ZER1: variants seen among roughly 807,000 people sequenced by gnomAD.
The protein encoded by ZER1 is zyg-11 related cell cycle regulator, also known as protein zer-1 homolog.
Under a neutral mutation model 78.8 loss-of-function variants are expected in ZER1, and 11 were observed. That is an observed-to-expected ratio of 0.14 (90% CI 0.09 to 0.23). The LOEUF is 0.23. Ranked by LOEUF, ZER1 falls within the 10% of genes least tolerant of loss-of-function variation. The pLI is 1.00. For missense variants in ZER1, 588 were observed against 996.9 expected, an observed-to-expected ratio of 0.59 and a Z score of 5.52; for synonymous variants, 400 against 407.0, an observed-to-expected ratio of 0.98 and a Z score of 0.21.
Position 128,731,301 on chromosome 9 carries a change from G to A in ZER1, c.*36C>T, listed in dbSNP as rs764694999. 6.2e-7 allele frequency: 1 copy of A among 1,606,926 alleles called. No individual in the cohort carries two copies. Among genetic ancestry groups the A allele is most frequent in the East Asian group, 2.2e-5 (1 of 44,750 alleles). On this transcript the variant is annotated 3_prime_UTR_variant, in exon 16 of 16. Coordinates refer to ENST00000291900, the MANE Select transcript of ZER1 (RefSeq NM_006336.4). ...TTGAGCATGCTTCCTCCCCGCCTGT[G>A]GTCCAGAGCGGTGGCGGCCATGGGG...
At chr9:128,765,381 T>C (rs775246657) in intron 1 of ZER1, among the ~76,000 whole-genome samples, 14 of 152,232 alleles carry the variant, frequency 9.2e-5, no homozygotes, top group Admixed American at 2.0e-4. Flanking sequence ...ATAGAGATTA[T>C]TACCCCATTT....
rs140497395 is a variant in ZER1 at position 128,751,476 on chromosome 9, C to A, written c.975G>T (p.Pro325=). The A allele has an allele frequency of 1.2e-6, 2 of 1,613,944 alleles. No homozygotes were observed. Among genetic ancestry groups the A allele is most frequent in the Non-Finnish European group, 1.7e-6 (2 of 1,180,022 alleles). Residue 325 remains proline, a synonymous_variant, in exon 6 of 16, where the codon CCG becomes CCT. Coordinates refer to ENST00000291900, the MANE Select transcript of ZER1 (RefSeq NM_006336.4). The surrounding 1 kb of genome is among the most constrained non-coding windows in gnomAD (Gnocchi z 5.4). The stretch of plus-strand genomic sequence containing the variant: ...TCTCAAAGAGCCCGAGGAACTGCAG[C>A]GGCCTCTTCAGAGCCCGGAAAGGTA... The part of the protein sequence containing the change: ...SIIPFRALKR[P]LQFLGLFENS...
At position 128,741,661 on chromosome 9, in the gene ZER1, G is replaced by A. The variant is rs1863296227; in HGVS notation, c.1618-7C>T. The A allele has an allele frequency of 1.2e-6, 2 of 1,614,024 alleles. No individual in the cohort carries two copies. The highest frequency in any genetic ancestry group is 1.7e-5 in the Admixed American group (1 of 60,008). On this transcript the variant is annotated splice_region_variant and splice_polypyrimidine_tract_variant and intron_variant, in intron 10 of 15. Coordinates refer to ENST00000291900, the MANE Select transcript of ZER1 (RefSeq NM_006336.4). Reference sequence around the variant, plus strand: ...ACTCCATGACCTGGTCACACTGTGAGGGCAGGGCAGGGCTCAGCCAAGGCT... The same window carrying A: ...ACTCCATGACCTGGTCACACTGTGAAGGCAGGGCAGGGCTCAGCCAAGGCT...
At chr9:128,733,279 G>C in intron 15 of ZER1, 147 bp downstream of exon 15, 1 of 592,658 alleles carries the variant, frequency 1.7e-6, no homozygotes, top group Non-Finnish European at 3.0e-6. Context: ...GAGGCCCCAG[G>C]TGGACATCAA....
chr9:128,747,694 A>G (rs1863540261), intron 8 of ZER1, among the ~76,000 whole-genome samples: 1 of 152,050 alleles, frequency 6.6e-6, no homozygotes, highest in Non-Finnish European at 1.5e-5. Context: ...GCTCACTGAA[A>G]TCTCCACCTC....
Position 128,750,726 on chromosome 9 carries a change from C to A in ZER1, c.1249G>T (p.Ala417Ser), listed in dbSNP as rs1176396202. 1 of 1,614,182 alleles carries A rather than the reference C, an allele frequency of 6.2e-7. No individual in the cohort carries two copies. The stretch of plus-strand genomic sequence containing the variant: ...TCGGAATTTGTTAGGTAGAAGAGAG[C>A]GGCGCTGCCTGTCACTTGAATGTTC... ...DRNIQVTGSA[A>S]LFYLTNSEYR... is the part of the protein sequence containing the mutation. The change falls in exon 8 of 16, where the codon GCT (alanine) becomes TCT (serine). Residue 417 changes from alanine (A) to serine (S), a missense_variant. Ala to Ser is a moderately conservative substitution (Grantham distance 99, BLOSUM62 1). Around this residue, in one of 3 missense-constraint regions of ZER1, gnomAD observed 406 missense variants for 660.1 expected, o/e 0.62. Coordinates refer to ENST00000291900, the MANE Select transcript of ZER1 (RefSeq NM_006336.4).
Position 128,766,373 on chromosome 9 carries a change from T to G in ZER1, c.-95+5208A>C, listed in dbSNP as rs955881738. Among the ~76,000 whole-genome samples, 95 of 148,882 alleles carry G rather than the reference T, an allele frequency of 6.4e-4. 1 individual carries two copies. Among genetic ancestry groups the G allele is most frequent in the African/African-American group, 2.3e-3 (92 of 40,454 alleles). ...AAAAAAAAAAAAAAAAAAAGAACTCTGTTAAGTATTTTATATGTGTTAATT... is the reference window on the plus strand; with the variant it reads ...AAAAAAAAAAAAAAAAAAAGAACTCGGTTAAGTATTTTATATGTGTTAATT... On this transcript the variant is annotated intron_variant, in intron 1 of 15. Transcript: ENST00000291900.
chr9:128,749,968 G>C (rs552570292), intron 8 of ZER1, among the ~76,000 whole-genome samples: 1 of 152,300 alleles, frequency 6.6e-6, no homozygotes, highest in South Asian at 2.1e-4. Context: ...ACTTGAACCC[G>C]GGAGGTGGAA....
At chr9:128,763,409 C>T (rs1381273176) in intron 1 of ZER1, among the ~76,000 whole-genome samples, 1 of 152,206 alleles carries the variant, frequency 6.6e-6, no homozygotes, top group African/African-American at 2.4e-5. Context: ...TGATGGATGG[C>T]CAGGTCCATG....
intron 1 of ZER1, among the ~76,000 whole-genome samples, chr9:128,758,280 G>A (rs570599530): frequency 7.9e-5 from 12 of 151,440 alleles, no homozygotes; most frequent in African/African-American, 2.9e-4. Context: ...CCATCACGCC[G>A]GGCTAATTTT....
chr9:128,738,343 CCT>C (rs1366524935), intron 13 of ZER1, among the ~76,000 whole-genome samples: 1 of 141,846 alleles, frequency 7.0e-6, no homozygotes, highest in Non-Finnish European at 1.5e-5. Flanking sequence ...TGTGCCCGGC[CCT>C]GTTTTGTTTT....
At position 128,742,787 on chromosome 9, in the gene ZER1, G is replaced by A. The variant is rs781047932; in HGVS notation, c.1360-42C>T. On this transcript the variant is annotated intron_variant, in intron 8 of 15. Transcript: ENST00000291900. The stretch of plus-strand genomic sequence containing the variant: ...CACAAGTGGGGCACATTCAGGGTCA[G>A]ACTCAGGAGCAGGGCTCTAGGAACT... The A allele has an allele frequency of 5.1e-6, 8 of 1,554,538 alleles. 1 individual carries two copies. Among genetic ancestry groups the A allele is most frequent in the Non-Finnish European group, 7.0e-6 (8 of 1,150,960 alleles).
chr9:128,751,592 GGGGTGGT>G lies in ZER1; in HGVS notation c.924-72_924-66del. Reference sequence around the variant, plus strand: ...AGGCCTGAGCTGGGCCTCCCCACTGGGGGTGGTGAGGCATTTCCTTGCTTTCTCTTCT... The same window carrying G: ...AGGCCTGAGCTGGGCCTCCCCACTGGGAGGCATTTCCTTGCTTTCTCTTCT... On this transcript the variant is annotated intron_variant, in intron 5 of 15. Coordinates refer to ENST00000291900, the MANE Select transcript of ZER1 (RefSeq NM_006336.4). The surrounding 1 kb of genome is among the most constrained non-coding windows in gnomAD (Gnocchi z 5.4). 1 of 1,341,566 alleles carries G rather than the reference GGGGTGGT, an allele frequency of 7.5e-7. No homozygotes were observed. Among genetic ancestry groups the G allele is most frequent in the African/African-American group, 1.4e-5 (1 of 69,518 alleles). 83.1% of individuals were successfully genotyped at this position (1,341,566 alleles called of 1,614,324 possible).
At chr9:128,735,525 G>T in intron 13 of ZER1, 94 bp from the exon 14 acceptor site, 1 of 1,213,582 alleles carries the variant, frequency 8.2e-7, no homozygotes, top group South Asian at 1.5e-5. Flanking sequence ...GAATCCTAGT[G>T]ACCAACCATG....
Position 128,751,283 on chromosome 9 carries a change from C to A in ZER1, c.1039-15G>T, listed in dbSNP as rs767573221. 7 of 1,597,502 alleles carry A rather than the reference C, an allele frequency of 4.4e-6. No homozygotes were observed. The highest frequency in any genetic ancestry group is 3.3e-4 in the Middle Eastern group (2 of 6,026). On this transcript the variant is annotated splice_polypyrimidine_tract_variant and intron_variant, in intron 6 of 15. Coordinates refer to ENST00000291900, the MANE Select transcript of ZER1 (RefSeq NM_006336.4). The surrounding 1 kb of genome is among the most constrained non-coding windows in gnomAD (Gnocchi z 5.4). ...TCACCACTTACCTGCGGGTGGGACA[C>A]GCTCAGAACAACCCAGCAGAGGCCA...
rs1308574637 is a variant in ZER1, at chr9:128,732,273, C to T, written c.2244-879G>A. The stretch of plus-strand genomic sequence containing the variant: ...TCTTACCCAGTGCTTCTCAAATTTC[C>T]CGGGAATCCTTGTTAACCATGAAAA... On this transcript the variant is annotated intron_variant, in intron 15 of 15. Transcript: ENST00000291900. This position sits in a 1 kb window ranked among gnomAD's most constrained non-coding sequence, Gnocchi z 4.8. Among the ~76,000 whole-genome samples the T allele has an allele frequency of 1.3e-5, 2 of 152,234 alleles. No individual in the cohort carries two copies. Among genetic ancestry groups the T allele is most frequent in the Non-Finnish European group, 2.9e-5 (2 of 68,046 alleles).
chr9:128,756,260 A>G (rs1159254461), intron 1 of ZER1, among the ~76,000 whole-genome samples: 1 of 152,228 alleles, frequency 6.6e-6, no homozygotes, highest in Non-Finnish European at 1.5e-5. Context: ...ATCCTGGCTA[A>G]CACGGTGAAA....
At chr9:128,761,948 G>A (rs921427149) in intron 1 of ZER1, among the ~76,000 whole-genome samples, 2 of 22,256 alleles carry the variant, frequency 9.0e-5, no homozygotes, top group Non-Finnish European at 1.6e-4. Flanking sequence ...AACAGAGGGA[G>A]CTGTGTAAAC....
At chr9:128,768,089 G>A (rs1864272720) in intron 1 of ZER1, among the ~76,000 whole-genome samples, 1 of 152,178 alleles carries the variant, frequency 6.6e-6, no homozygotes, top group Non-Finnish European at 1.5e-5. Flanking sequence ...ATTATGAAGA[G>A]TGATGTTCCT....
Sources: gnomAD v4.1 joint callset for allele counts (sites outside exome capture counted in the v4.1 genomes callset) on GRCh38, gnomAD v4.1.1 for gene constraint, gnomAD v4.1.1 regional missense constraint, Gnocchi (gnomAD v3.1) non-coding constraint, MANE v1.5 for transcripts, NCBI Gene and HGNC (gene_info 2026-07-23, HGNC 2026-07-21) for gene names.